BTRC: variants seen among roughly 807,000 people sequenced by gnomAD.
The protein encoded by BTRC is F-box/WD repeat-containing protein 1A.
A neutral mutation model predicts 85.5 loss-of-function variants in BTRC; 42 were observed. That is an observed-to-expected ratio of 0.49 (90% CI 0.38 to 0.64). The LOEUF is 0.64. Ranked by LOEUF, BTRC falls within the 30% of genes least tolerant of loss-of-function variation. BTRC has a pLI of 0.00. For missense variants in BTRC, 594 were observed against 743.5 expected, an observed-to-expected ratio of 0.80 and a Z score of 2.34; for synonymous variants, 255 against 263.3, an observed-to-expected ratio of 0.97 and a Z score of 0.30.
At chr10:101,364,377 T>C (rs1408834389) in intron 1 of BTRC, among the ~76,000 whole-genome samples, 1 of 152,190 alleles carries the variant, frequency 6.6e-6, no homozygotes, top group African/African-American at 2.4e-5. Flanking sequence ...GCTATTCTTC[T>C]ATCTTTGGGA....
chr10:101,355,509 T>G (rs947609552), intron 1 of BTRC, among the ~76,000 whole-genome samples: 2 of 152,230 alleles, frequency 1.3e-5, no homozygotes, highest in Non-Finnish European at 2.9e-5. Flanking sequence ...GACTTTGTGG[T>G]TACAACTAAA....
At chr10:101,436,211 C>A (rs1352725663) in intron 2 of BTRC, among the ~76,000 whole-genome samples, 1 of 152,056 alleles carries the variant, frequency 6.6e-6, no homozygotes, top group Non-Finnish European at 1.5e-5. Context: ...TCATTCCCAG[C>A]AAATGGTGAT....
intron 4 of BTRC, among the ~76,000 whole-genome samples, chr10:101,516,133 C>CA (rs1350798361): frequency 1.3e-5 from 2 of 152,052 alleles, no homozygotes; most frequent in Non-Finnish European, 2.9e-5. Context: ...AATGTACTTT[C>CA]AAAAAGAGAG....
chr10:101,358,890 G>A (rs61873997), intron 1 of BTRC, among the ~76,000 whole-genome samples: 41,135 of 152,002 alleles, frequency 0.27, 6,697 homozygotes, highest in South Asian at 0.4. Context: ...AGGAAGGGTG[G>A]CGTGCATAAA....
At chr10:101,506,881 A>G (rs1946556410) in intron 4 of BTRC, among the ~76,000 whole-genome samples, 2 of 152,198 alleles carry the variant, frequency 1.3e-5, no homozygotes, top group African/African-American at 4.8e-5. Context: ...GGAATTCTGC[A>G]GTTAATTGAA....
At chr10:101,475,954 T>TATATATATATA (rs1554884571) in intron 3 of BTRC, among the ~76,000 whole-genome samples, 531 of 133,854 alleles carry the variant, frequency 4.0e-3, no homozygotes, top group South Asian at 5.8e-3. Context: ...TATATATATA[T>TATATATATATA]TCAGTAATTC....
At chr10:101,523,562 T>C (rs2062151019) in intron 5 of BTRC, among the ~76,000 whole-genome samples, 1 of 152,210 alleles carries the variant, frequency 6.6e-6, no homozygotes, top group South Asian at 2.1e-4. Flanking sequence ...TTTCCAATTA[T>C]AGAAGTTATA....
chr10:101,399,321 CTTTTTTTT>C (rs10610835), intron 1 of BTRC, among the ~76,000 whole-genome samples: 3 of 128,060 alleles, frequency 2.3e-5, no homozygotes, highest in African/African-American at 9.1e-5. Context: ...CTAGAATCAC[CTTTTTTTT>C]TTTTTTTTTT....
chr10:101,444,751 T>C (rs1944777948), intron 2 of BTRC, among the ~76,000 whole-genome samples: 2 of 152,250 alleles, frequency 1.3e-5, no homozygotes, highest in Non-Finnish European at 2.9e-5. Flanking sequence ...AGTTTCTTAC[T>C]AGTCCGCCTG....
chr10:101,467,727 T>TA (rs570892150), intron 3 of BTRC, among the ~76,000 whole-genome samples: 82 of 152,080 alleles, frequency 5.4e-4, no homozygotes, highest in African/African-American at 1.8e-3. Flanking sequence ...TGTTTATTAA[T>TA]AAAAAAAATC....
At chr10:101,524,716 G>A (rs2062165211) in intron 5 of BTRC, among the ~76,000 whole-genome samples, 1 of 152,122 alleles carries the variant, frequency 6.6e-6, no homozygotes, top group Non-Finnish European at 1.5e-5. Flanking sequence ...AATATAAATT[G>A]TACCATTACT....
intron 2 of BTRC, among the ~76,000 whole-genome samples, chr10:101,447,845 A>G: frequency 6.6e-6 from 1 of 152,162 alleles, no homozygotes; most frequent in East Asian, 1.9e-4. Context: ...GGTTCTGGTC[A>G]AAGACAGAAT....
At chr10:101,370,469 C>G (rs969220963) in intron 1 of BTRC, among the ~76,000 whole-genome samples, 2 of 152,302 alleles carry the variant, frequency 1.3e-5, no homozygotes, top group African/African-American at 4.8e-5. Flanking sequence ...TCTGCTGATC[C>G]TGCAGATGTC....
chr10:101,497,269 A>T (rs1423771676), intron 4 of BTRC, among the ~76,000 whole-genome samples: 3 of 152,214 alleles, frequency 2.0e-5, no homozygotes, highest in African/African-American at 7.2e-5. Context: ...GTTACTCTTC[A>T]AGATTATCTT....
At chr10:101,397,605 G>A (rs1210198040) in intron 1 of BTRC, among the ~76,000 whole-genome samples, 1 of 152,108 alleles carries the variant, frequency 6.6e-6, no homozygotes, top group Non-Finnish European at 1.5e-5. Context: ...TTTTTTGGTA[G>A]CAAATTTAGA....
intron 4 of BTRC, among the ~76,000 whole-genome samples, chr10:101,509,116 T>G (rs1272626994): frequency 6.6e-6 from 1 of 152,004 alleles, no homozygotes; most frequent in Non-Finnish European, 1.5e-5. Context: ...TCTAGCTCTT[T>G]AGAAATCTAG....
At chr10:101,456,018 A>ACACACACACAC (rs60361192) in intron 2 of BTRC, among the ~76,000 whole-genome samples, 31 of 150,204 alleles carry the variant, frequency 2.1e-4, no homozygotes, top group Non-Finnish European at 3.1e-4. Flanking sequence ...ACACACACAC[A>ACACACACACAC]AAATTAGCTG....
At chr10:101,382,303 C>T (rs935476833) in intron 1 of BTRC, among the ~76,000 whole-genome samples, 59 of 151,534 alleles carry the variant, frequency 3.9e-4, no homozygotes, top group African/African-American at 1.3e-3. Flanking sequence ...TCTTTTACAG[C>T]TCTTTAAAAA....
chr10:101,354,086 A>C, upstream of BTRC: 2 of 1,392,260 alleles, frequency 1.4e-6, no homozygotes, highest in Non-Finnish European at 2.0e-6. Flanking sequence ...GGCGGGGGGA[A>C]GGAAGAGGAG....
Sources: gnomAD v4.1 joint callset for allele counts (sites outside exome capture counted in the v4.1 genomes callset) on GRCh38, gnomAD v4.1.1 for gene constraint, MANE v1.5 for transcripts, NCBI Gene and HGNC (gene_info 2026-07-23, HGNC 2026-07-21) for gene names.